RPA1: variants seen among roughly 807,000 people sequenced by gnomAD.
RPA1 encodes replication protein A 70 kDa DNA-binding subunit.
Under a neutral mutation model 83.0 loss-of-function variants are expected in RPA1, and 49 were observed. The observed-to-expected ratio is 0.59, with a 90% CI of 0.47 to 0.75. The LOEUF is 0.75. Among genes scored for constraint, RPA1 ranks in the 30% least tolerant of loss-of-function variants. The probability of loss-of-function intolerance (pLI) is 0.00; values close to 1 mark genes in which losing one functional copy is unlikely to be tolerated. For missense variants in RPA1, 693 were observed against 776.1 expected, an observed-to-expected ratio of 0.89 and a Z score of 1.27; for synonymous variants, 279 against 281.8, an observed-to-expected ratio of 0.99 and a Z score of 0.10.
chr17:1,897,247 G>C lies in RPA1; in HGVS notation c.*72G>C. On this transcript the variant is annotated 3_prime_UTR_variant, in exon 17 of 17. Transcript: ENST00000254719. ...AATCGATTTCCTCCCACCTCCGTGT[G>C]ACGATCCCATGTTAGCTACACAGTG... 1 of 1,162,204 alleles carries C rather than the reference G, an allele frequency of 8.6e-7. No individual in the cohort carries two copies. The highest frequency in any genetic ancestry group is 1.2e-6 in the Non-Finnish European group (1 of 812,658). 72.0% of individuals were successfully genotyped at this position (1,162,204 alleles called of 1,614,324 possible).
chr17:1,894,501 A>AT (rs1914323700), intron 15 of RPA1, among the ~76,000 whole-genome samples: 1 of 152,144 alleles, frequency 6.6e-6, no homozygotes, highest in African/African-American at 2.4e-5. Context: ...AGCGTTTTTA[A>AT]TTTTTTGTGT....
intron 1 of RPA1, among the ~76,000 whole-genome samples, chr17:1,832,071 G>A (rs988626802): frequency 6.6e-6 from 1 of 151,854 alleles, no homozygotes; most frequent in East Asian, 1.9e-4. Context: ...TGGGATTACA[G>A]GCATGTACCA....
chr17:1,883,732 G>A (rs559393967), intron 12 of RPA1, 80 bp from the exon 13 acceptor site: 84 of 1,590,812 alleles, frequency 5.3e-5, no homozygotes, highest in South Asian at 2.8e-4. Context: ...TGTGTCTGTC[G>A]CGTAGCAGCA....
intron 4 of RPA1, 69 bp downstream of exon 4, chr17:1,844,755 A>T: frequency 9.1e-6 from 11 of 1,210,312 alleles, no homozygotes; most frequent in Non-Finnish European, 1.3e-5. Flanking sequence ...TAAAAAAGGC[A>T]ATAGTGAGTT....
At chr17:1,844,710 C>A in intron 4 of RPA1, 24 bp downstream of exon 4, 1 of 1,558,920 alleles carries the variant, frequency 6.4e-7, no homozygotes, top group Non-Finnish European at 8.8e-7. Flanking sequence ...TTTTTTCTGT[C>A]TTATTGTATC....
chr17:1,897,109 G>GC lies in RPA1; in HGVS notation c.1788dup (p.Val597ArgfsTer58). 1 of 1,573,776 alleles carries GC rather than the reference G, an allele frequency of 6.4e-7. No homozygotes were observed. The highest frequency in any genetic ancestry group is 8.6e-7 in the Non-Finnish European group (1 of 1,159,254). ...TTAAGGCCACTGTGATGGACGTGAA[G>GC]CCCGTGGACTACAGAGAGTATGGCC... On this transcript the variant is annotated frameshift_variant, in exon 17 of 17. Coordinates refer to ENST00000254719, the MANE Select transcript of RPA1 (RefSeq NM_002945.5). LOFTEE classifies it high-confidence loss of function.
At chr17:1,888,417 T>G (rs145283522) in intron 13 of RPA1, among the ~76,000 whole-genome samples, 158 of 152,336 alleles carry the variant, frequency 1.0e-3, no homozygotes, top group African/African-American at 3.7e-3. Flanking sequence ...TAATTTAGGA[T>G]TAACTCTTTT....
intron 1 of RPA1, 70 bp from the exon 2 acceptor site, chr17:1,842,733 C>G (rs1300846970): frequency 1.5e-6 from 2 of 1,374,712 alleles, no homozygotes; most frequent in Non-Finnish European, 2.1e-6. Flanking sequence ...CAAATACCAA[C>G]TATAAAAACA....
intron 5 of RPA1, among the ~76,000 whole-genome samples, chr17:1,856,209 G>A (rs1035421008): frequency 9.9e-5 from 15 of 151,794 alleles, no homozygotes; most frequent in Admixed American, 9.2e-4. Context: ...TGCACCTGTG[G>A]TCCCAGCTAC....
chr17:1,852,240 AGC>A (rs1912522153), intron 4 of RPA1, among the ~76,000 whole-genome samples: 2 of 152,124 alleles, frequency 1.3e-5, no homozygotes, highest in South Asian at 2.1e-4. Context: ...GTCTAGTAGG[AGC>A]GAGAGAGAAT....
intron 7 of RPA1, among the ~76,000 whole-genome samples, chr17:1,876,004 A>C (rs531424392): frequency 7.9e-5 from 12 of 152,078 alleles, no homozygotes; most frequent in African/African-American, 2.7e-4. Context: ...ATATAGTAAC[A>C]ATAGCAATCT....
At chr17:1,842,880 A>G (rs1453510481) in intron 2 of RPA1, 27 bp downstream of exon 2, 4 of 1,609,314 alleles carry the variant, frequency 2.5e-6, no homozygotes, top group African/African-American at 1.3e-5. Context: ...GTTATGTTCC[A>G]TGTCAACTTC....
chr17:1,830,860 G>A (rs1184047495), intron 1 of RPA1, among the ~76,000 whole-genome samples: 1 of 151,810 alleles, frequency 6.6e-6, no homozygotes, highest in African/African-American at 2.4e-5. Context: ...CCGTCTCCCG[G>A]GTGCAAGTGA....
rs1344831318 is a variant in RPA1, at chr17:1,899,946, C to G, written c.*2771C>G. The G allele has an allele frequency of 6.6e-6, 1 of 152,148 alleles. No individual in the cohort carries two copies. Among genetic ancestry groups the G allele is most frequent in the East Asian group, 1.9e-4 (1 of 5,192 alleles). The allele number at this position is 152,148 out of a possible 1,614,324, so 9.4% of individuals were successfully genotyped here. A position where few individuals can be genotyped will look rare whatever the true frequency, so the allele number is the denominator to read the frequency against. ...CCACCTTTTATGTGGTTTGTTAACT[C>G]TTAGTCTTATATCCACTCCGCTGGT... On this transcript the variant is annotated 3_prime_UTR_variant, in exon 17 of 17. Transcript: ENST00000254719.
chr17:1,893,677 C>CT (rs879431576), intron 15 of RPA1, among the ~76,000 whole-genome samples: 307 of 143,822 alleles, frequency 2.1e-3, no homozygotes, highest in Middle Eastern at 0.01. Context: ...GTTTACCAGA[C>CT]TTTTTTTTTT....
Position 1,895,084 on chromosome 17 carries a change from G to C in RPA1, c.1735G>C (p.Glu579Gln). 6.2e-7 allele frequency: 1 copy of C among 1,613,382 alleles called. No homozygotes were observed. The highest frequency in any genetic ancestry group is 1.7e-5 in the Admixed American group (1 of 59,972). Residue 579 changes from glutamate (E) to glutamine (Q), a missense_variant, in exon 16 of 17, where the codon GAG becomes CAG. Transcript: ENST00000254719. ...SFIFRVRVKV[E>Q]TYNDESRIKA... ...CATATTCAGAGTCAGGGTCAAAGTG[G>C]AGACCTACAACGTAAGTAAGGGCCT...
At chr17:1,891,231 A>C (rs1914189662) in intron 14 of RPA1, among the ~76,000 whole-genome samples, 1 of 152,166 alleles carries the variant, frequency 6.6e-6, no homozygotes, top group Admixed American at 6.5e-5. Flanking sequence ...GAGACATTTG[A>C]TTGCTCATTT....
intron 6 of RPA1, 105 bp from the exon 7 acceptor site, chr17:1,875,556 A>T: frequency 8.1e-7 from 1 of 1,236,094 alleles, no homozygotes; most frequent in South Asian, 1.5e-5. Flanking sequence ...ATGTTATATG[A>T]TTTCACTAGT....
rs539025562 is a variant in RPA1 at position 1,851,330 on chromosome 17, C to T, written c.273-1771C>T. Among the ~76,000 whole-genome samples the T allele has an allele frequency of 3.9e-5, 6 of 152,038 alleles. No individual in the cohort carries two copies. In the East Asian group the frequency reaches 7.7e-4, roughly 20 times the overall value. ...TGAATCAGAATCCAAAATAAGTTTC[C>T]TGTGACGGTAGATTGATGGTCTGTT... On this transcript the variant is annotated intron_variant, in intron 4 of 16. Coordinates refer to ENST00000254719, the MANE Select transcript of RPA1 (RefSeq NM_002945.5).
Sources: allele counts gnomAD v4.1 joint callset (sites outside exome capture counted in the v4.1 genomes callset), GRCh38; gene constraint gnomAD v4.1.1; transcripts MANE v1.5; gene names NCBI Gene and HGNC (gene_info 2026-07-23, HGNC 2026-07-21).